Variants in CORO2B observed in about 807,000 individuals in gnomAD.
CORO2B encodes coronin 2B, also known as coronin-2B.
Under a neutral mutation model 58.8 loss-of-function variants are expected in CORO2B, and 26 were observed. The ratio of observed to expected loss-of-function variants is 0.44; its 90% CI spans 0.32 to 0.61. CORO2B has a LOEUF of 0.61. Among genes scored for constraint, CORO2B ranks in the 20% least tolerant of loss-of-function variants. The pLI is 0.04. For synonymous variants in CORO2B, 242 were observed against 253.8 expected, an observed-to-expected ratio of 0.95 and a Z score of 0.44; for missense variants, 460 against 645.1, an observed-to-expected ratio of 0.71 and a Z score of 3.11.
chr15:68,526,496 A>G, the CORO2B span, among the ~76,000 whole-genome samples: 1 of 152,206 alleles, frequency 6.6e-6, no homozygotes, highest in Non-Finnish European at 1.5e-5. Context: ...CAGGATGACT[A>G]ATGATGCTGA....
rs1421763271 is a variant in CORO2B, at chr15:68,710,984, G to A, written c.483+103G>A. 6 of 1,266,968 alleles carry A rather than the reference G, an allele frequency of 4.7e-6. No individual in the cohort carries two copies. The highest frequency in any genetic ancestry group is 5.3e-6 in the Non-Finnish European group (5 of 939,394). 78.5% of individuals were successfully genotyped at this position (1,266,968 alleles called of 1,614,324 possible). A position where few individuals can be genotyped will look rare whatever the true frequency, so the allele number is the denominator to read the frequency against. On this transcript the variant is annotated intron_variant, in intron 4 of 11. Coordinates refer to ENST00000261861, the MANE Select transcript of CORO2B (RefSeq NM_006091.5). The surrounding 1 kb of genome is among the most constrained non-coding windows in gnomAD (Gnocchi z 4.1). ...TGTTGCTTCCTAAGCAACCAATATGGCCTCATCTGTTCATTTGCTTATTCA... is the reference window on the plus strand; with the variant it reads ...TGTTGCTTCCTAAGCAACCAATATGACCTCATCTGTTCATTTGCTTATTCA...
chr15:68,694,914 G>C (rs754767346), intron 2 of CORO2B, among the ~76,000 whole-genome samples: 23 of 152,218 alleles, frequency 1.5e-4, no homozygotes, highest in Non-Finnish European at 2.8e-4. Flanking sequence ...CACCATGGCT[G>C]TGTGGCCTCC....
intron 3 of CORO2B, among the ~76,000 whole-genome samples, chr15:68,700,709 G>T (rs1240246607): frequency 6.6e-6 from 1 of 152,204 alleles, no homozygotes; most frequent in Non-Finnish European, 1.5e-5. Flanking sequence ...AGCTTCTGCC[G>T]CAGCTAGGGA....
intron 2 of CORO2B, among the ~76,000 whole-genome samples, chr15:68,693,988 A>G (rs1002099306): frequency 6.6e-6 from 1 of 152,106 alleles, no homozygotes. Context: ...GGCGTGTGTC[A>G]CCATGCCTGC....
chr15:68,534,284 ACC>A, the CORO2B span, among the ~76,000 whole-genome samples: 150 of 152,344 alleles, frequency 9.8e-4, no homozygotes, highest in African/African-American at 3.5e-3. Flanking sequence ...GTGTACACAC[ACC>A]TGCACATATG....
chr15:68,696,557 CAAAAAAA>C (rs3985628), intron 3 of CORO2B, among the ~76,000 whole-genome samples: 1 of 110,054 alleles, frequency 9.1e-6, no homozygotes, highest in East Asian at 2.8e-4. Flanking sequence ...GACTCTGCCT[CAAAAAAA>C]AAAAAAAAAA....
the CORO2B span, among the ~76,000 whole-genome samples, chr15:68,566,831 G>A: frequency 6.6e-6 from 1 of 152,184 alleles, no homozygotes; most frequent in South Asian, 2.1e-4. Context: ...CATTGATTTA[G>A]TAGCTCCCAA....
intron 1 of CORO2B, among the ~76,000 whole-genome samples, chr15:68,605,140 T>A (rs1177423746): frequency 6.6e-6 from 1 of 151,716 alleles, no homozygotes. Context: ...AAAGAAGTTT[T>A]GAAAAGAAAA....
At chr15:68,655,557 C>T (rs1901777666) in intron 2 of CORO2B, among the ~76,000 whole-genome samples, 1 of 152,212 alleles carries the variant, frequency 6.6e-6, no homozygotes, top group Non-Finnish European at 1.5e-5. Context: ...CCTGGACACC[C>T]TCTGGCCCCC....
At chr15:68,576,152 CAAAAAAAAAA>C (rs3985627), upstream of CORO2B, among the ~76,000 whole-genome samples, 2 of 62,192 alleles carry the variant, frequency 3.2e-5, no homozygotes, top group South Asian at 2.3e-3. Context: ...GACTACGTCG[CAAAAAAAAAA>C]AAAAAAAAAA....
intron 11 of CORO2B, among the ~76,000 whole-genome samples, chr15:68,724,298 C>T (rs1893239798): frequency 6.6e-6 from 1 of 152,202 alleles, no homozygotes; most frequent in Non-Finnish European, 1.5e-5. Context: ...AGGAGGCCCT[C>T]CCTGGTTGGA....
In CORO2B at chr15:68,647,596, G is replaced by A. The variant is rs142577933; in HGVS notation, c.216+2236G>A. Reference sequence around the variant, plus strand: ...TCCGGCTGCTCTGGAGGCTGAGGCAGGGGAATCGCTTGAACCTGGGAGGCG... The same window carrying A: ...TCCGGCTGCTCTGGAGGCTGAGGCAAGGGAATCGCTTGAACCTGGGAGGCG... On this transcript the variant is annotated intron_variant, in intron 2 of 11. Coordinates refer to ENST00000261861, the MANE Select transcript of CORO2B (RefSeq NM_006091.5). Among the ~76,000 whole-genome samples the A allele has an allele frequency of 8.8e-3, 1,342 of 151,856 alleles. 10 individuals carry two copies. The highest frequency in any genetic ancestry group is 0.025 in the African/African-American group (1,026 of 41,316).
chr15:68,714,061 G>A lies in CORO2B; in HGVS notation c.765+20G>A. The A allele has an allele frequency of 6.4e-7, 1 of 1,555,932 alleles. No individual in the cohort carries two copies. ...GACCAGGTCAGCCACGGGGAGGCCTGCTGGGTTTGGGCTAAAGGAAGCATC... is the reference window on the plus strand; with the variant it reads ...GACCAGGTCAGCCACGGGGAGGCCTACTGGGTTTGGGCTAAAGGAAGCATC... On this transcript the variant is annotated intron_variant, in intron 6 of 11. Transcript: ENST00000261861.
intron 1 of CORO2B, among the ~76,000 whole-genome samples, chr15:68,644,530 T>G (rs148681827): frequency 1.2e-4 from 19 of 152,306 alleles, no homozygotes; most frequent in African/African-American, 4.6e-4. Context: ...ATGGCCCTAC[T>G]TAGCTGTGTA....
chr15:68,539,490 T>G, the CORO2B span, among the ~76,000 whole-genome samples: 1 of 151,792 alleles, frequency 6.6e-6, no homozygotes, highest in South Asian at 2.1e-4. Flanking sequence ...CCGGGCAACA[T>G]GGCAAAACCC....
At chr15:68,667,543 G>A (rs769928205) in intron 2 of CORO2B, among the ~76,000 whole-genome samples, 1 of 152,260 alleles carries the variant, frequency 6.6e-6, no homozygotes, top group Non-Finnish European at 1.5e-5. Flanking sequence ...GGCCCAGGGT[G>A]CAGATGAGTC....
At chr15:68,648,341 A>C (rs967871022) in intron 2 of CORO2B, among the ~76,000 whole-genome samples, 6 of 150,670 alleles carry the variant, frequency 4.0e-5, no homozygotes, top group Non-Finnish European at 7.4e-5. Flanking sequence ...AAAAAAAAAA[A>C]AAAAACGAAA....
intron 1 of CORO2B, among the ~76,000 whole-genome samples, chr15:68,606,351 C>CATG (rs1900124343): frequency 6.6e-6 from 1 of 152,146 alleles, no homozygotes; most frequent in Non-Finnish European, 1.5e-5. Context: ...GCCAGTGAAT[C>CATG]ATGGCCTCTG....
chr15:68,613,643 C>A (rs1464338445), intron 1 of CORO2B, among the ~76,000 whole-genome samples: 1 of 152,202 alleles, frequency 6.6e-6, no homozygotes, highest in African/African-American at 2.4e-5. Flanking sequence ...TTACAGATAT[C>A]CTCCTGAATT....
Sources: gnomAD v4.1 joint callset for allele counts (sites outside exome capture counted in the v4.1 genomes callset) on GRCh38, gnomAD v4.1.1 for gene constraint, Gnocchi (gnomAD v3.1) non-coding constraint, MANE v1.5 for transcripts, NCBI Gene and HGNC (gene_info 2026-07-23, HGNC 2026-07-21) for gene names.